C16orf74: variants seen among roughly 807,000 people sequenced by gnomAD.
C16orf74 encodes the protein uncharacterized protein C16orf74.
C16orf74 carries 10 observed loss-of-function variants against 6.5 expected under a neutral mutation model. That is an observed-to-expected ratio of 1.54 (90% CI 0.95 to 2.61). C16orf74 has a LOEUF of 2.61. C16orf74 is among the 30% of genes most tolerant of loss of function. The pLI, the probability that C16orf74 is intolerant of heterozygous loss-of-function variation, is 0.00. For synonymous variants in C16orf74, 60 were observed against 42.5 expected (o/e 1.41, Z -1.60); for missense variants, 141 against 105.9 (o/e 1.33, Z -1.45).
At chr16:85,744,877 T>C (rs547119130) in intron 1 of C16orf74, among the ~76,000 whole-genome samples, 8 of 149,206 alleles carry the variant, frequency 5.4e-5, no homozygotes, top group African/African-American at 7.5e-5. Flanking sequence ...TGCAGTGGTT[T>C]ACGCCTGTAA....
intron 2 of C16orf74, among the ~76,000 whole-genome samples, chr16:85,718,396 C>T (rs2054046257): frequency 6.6e-6 from 1 of 152,218 alleles, no homozygotes; most frequent in South Asian, 2.1e-4. Context: ...TTTGGGCTTG[C>T]ACCCCAGACG....
intron 2 of C16orf74, among the ~76,000 whole-genome samples, chr16:85,718,668 C>T (rs1028030036): frequency 2.6e-5 from 4 of 152,336 alleles, no homozygotes; most frequent in Admixed American, 1.3e-4. Flanking sequence ...CCAGCCAATG[C>T]GGTGCGATGA....
chr16:85,735,327 G>T, intron 1 of C16orf74, 92 bp from the exon 2 acceptor site: 1 of 762,090 alleles, frequency 1.3e-6, no homozygotes, highest in Non-Finnish European at 2.0e-6. Flanking sequence ...GCCCTGATGA[G>T]TGCAAAACAG....
At chr16:85,742,077 A>C (rs2054314856) in intron 1 of C16orf74, among the ~76,000 whole-genome samples, 1 of 152,148 alleles carries the variant, frequency 6.6e-6, no homozygotes, top group Non-Finnish European at 1.5e-5. Flanking sequence ...CTGGCTGTTA[A>C]AAAGAAGCCT....
chr16:85,747,720 C>T (rs562047128), intron 1 of C16orf74, among the ~76,000 whole-genome samples: 1 of 152,174 alleles, frequency 6.6e-6, no homozygotes, highest in South Asian at 2.1e-4. Flanking sequence ...AGAATATGTG[C>T]CCAAGGTAGT....
At chr16:85,712,915 G>C (rs904746734) in intron 2 of C16orf74, among the ~76,000 whole-genome samples, 1 of 152,200 alleles carries the variant, frequency 6.6e-6, no homozygotes, top group East Asian at 1.9e-4. Flanking sequence ...GGGGGGCTCC[G>C]GGTCATGCCC....
intron 2 of C16orf74, among the ~76,000 whole-genome samples, chr16:85,726,769 C>A (rs2054137946): frequency 6.6e-6 from 1 of 152,204 alleles, no homozygotes; most frequent in Non-Finnish European, 1.5e-5. Context: ...GATGGAAACT[C>A]CACATTCCCT....
chr16:85,741,406 G>A (rs1396793982), intron 1 of C16orf74, among the ~76,000 whole-genome samples: 1 of 152,132 alleles, frequency 6.6e-6, no homozygotes, highest in East Asian at 1.9e-4. Flanking sequence ...GGCAGGGAGG[G>A]AAGGAGGGAA....
At chr16:85,742,990 C>T (rs73257234) in intron 1 of C16orf74, among the ~76,000 whole-genome samples, 6,535 of 152,284 alleles carry the variant, frequency 0.043, 496 homozygotes, top group African/African-American at 0.15. Context: ...TCCTCATCAT[C>T]GTCATCAGTG....
At chr16:85,720,679 G>C (rs1258801466) in intron 2 of C16orf74, among the ~76,000 whole-genome samples, 1 of 150,850 alleles carries the variant, frequency 6.6e-6, no homozygotes, top group Middle Eastern at 3.4e-3. Context: ...GGGAGGCTGA[G>C]AAGGGAGGAT....
intron 2 of C16orf74, among the ~76,000 whole-genome samples, chr16:85,712,982 A>C (rs2053985383): frequency 1.3e-5 from 2 of 152,176 alleles, no homozygotes; most frequent in Non-Finnish European, 2.9e-5. Context: ...CAGCCTCCAG[A>C]GGAGCCCCAG....
intron 2 of C16orf74, among the ~76,000 whole-genome samples, chr16:85,723,872 G>A (rs904732151): frequency 3.9e-5 from 6 of 152,216 alleles, no homozygotes; most frequent in Admixed American, 1.3e-4. Context: ...ACACACATCT[G>A]CTCTCTGGAA....
intron 2 of C16orf74, among the ~76,000 whole-genome samples, chr16:85,721,228 A>G (rs977064770): frequency 2.0e-5 from 3 of 151,906 alleles, no homozygotes; most frequent in African/African-American, 7.3e-5. Context: ...CAAAAAAAAA[A>G]GCCACGTACT....
At chr16:85,727,436 A>G (rs1418265262) in intron 2 of C16orf74, among the ~76,000 whole-genome samples, 5 of 152,212 alleles carry the variant, frequency 3.3e-5, no homozygotes, top group Non-Finnish European at 4.4e-5. Flanking sequence ...CTAAGGAGGT[A>G]TGACAACTAA....
At chr16:85,742,336 G>A (rs927036761) in intron 1 of C16orf74, among the ~76,000 whole-genome samples, 1 of 152,110 alleles carries the variant, frequency 6.6e-6, no homozygotes, top group Non-Finnish European at 1.5e-5. Flanking sequence ...TCATGCCACT[G>A]CACTCCATCC....
chr16:85,709,493 A>ATATTATTAT (rs974007082), intron 3 of C16orf74, among the ~76,000 whole-genome samples: 10 of 84,436 alleles, frequency 1.2e-4, no homozygotes, highest in Admixed American at 2.8e-4. Context: ...ACCATCCCCA[A>ATATTATTAT]TGTTATTATT....
At chr16:85,722,177 T>C (rs996465609) in intron 2 of C16orf74, among the ~76,000 whole-genome samples, 4 of 151,962 alleles carry the variant, frequency 2.6e-5, no homozygotes, top group Non-Finnish European at 4.4e-5. Context: ...ACTGTAACTT[T>C]TGCCCTAGAT....
At chr16:85,725,067 G>C (rs1037809962) in intron 2 of C16orf74, among the ~76,000 whole-genome samples, 19 of 63,834 alleles carry the variant, frequency 3.0e-4, no homozygotes, top group East Asian at 5.3e-4. Flanking sequence ...GTGACTGATG[G>C]GGGGGGGACC....
chr16:85,722,059 C>T (rs113598057), intron 2 of C16orf74, among the ~76,000 whole-genome samples: 11 of 147,226 alleles, frequency 7.5e-5, no homozygotes, highest in South Asian at 2.1e-4. Context: ...TCTGGGCTCA[C>T]GCGGTCTTGC....
Sources: gnomAD v4.1 joint callset for allele counts (sites outside exome capture counted in the v4.1 genomes callset) on GRCh38, gnomAD v4.1.1 for gene constraint, MANE v1.5 for transcripts, NCBI Gene and HGNC (gene_info 2026-07-23, HGNC 2026-07-21) for gene names.